VWA3B: variants seen among roughly 807,000 people sequenced by gnomAD.
VWA3B encodes the protein von Willebrand factor A domain containing 3B.
VWA3B carries 138 observed loss-of-function variants against 158.3 expected under a neutral mutation model. That is an observed-to-expected ratio of 0.87 (90% CI 0.76 to 1.00). VWA3B has a LOEUF of 1.00. VWA3B is among the 50% of genes least tolerant of loss of function. The pLI, the probability that VWA3B is intolerant of heterozygous loss-of-function variation, is 0.00. For missense variants in VWA3B, 1,555 were observed against 1,565.1 expected, an observed-to-expected ratio of 0.99 and a Z score of 0.11; for synonymous variants, 596 against 587.3, an observed-to-expected ratio of 1.01 and a Z score of -0.21.
At chr2:98,268,431 C>T (rs1687989734) in intron 21 of VWA3B, among the ~76,000 whole-genome samples, 1 of 152,128 alleles carries the variant, frequency 6.6e-6, no homozygotes, top group Non-Finnish European at 1.5e-5. Flanking sequence ...CTGATTCTTT[C>T]TTCTGCTTAA....
At chr2:98,237,975 G>A (rs553297267) in intron 19 of VWA3B, among the ~76,000 whole-genome samples, 4 of 152,152 alleles carry the variant, frequency 2.6e-5, no homozygotes, top group African/African-American at 9.6e-5. Context: ...TCTTCTTTCT[G>A]CTTTTTTGTG....
At chr2:98,088,952 C>T (rs1013854906) in intron 1 of VWA3B, among the ~76,000 whole-genome samples, 4 of 152,060 alleles carry the variant, frequency 2.6e-5, no homozygotes, top group Non-Finnish European at 4.4e-5. Flanking sequence ...CGAGGTTTCA[C>T]CATGTTGGCC....
downstream of VWA3B, among the ~76,000 whole-genome samples, chr2:98,317,995 G>T (rs1353788605): frequency 6.6e-6 from 1 of 152,170 alleles, no homozygotes; most frequent in East Asian, 1.9e-4. Flanking sequence ...ATATCTGTAT[G>T]GTTAAAATAG....
chr2:98,124,986 C>T (rs1675246327), intron 5 of VWA3B, among the ~76,000 whole-genome samples: 1 of 152,232 alleles, frequency 6.6e-6, no homozygotes. Context: ...TTTTTACTCA[C>T]TCTAAAGGAG....
chr2:98,186,349 GC>G (rs1392579042), intron 9 of VWA3B, among the ~76,000 whole-genome samples: 1 of 151,712 alleles, frequency 6.6e-6, no homozygotes, highest in Non-Finnish European at 1.5e-5. Flanking sequence ...CAGTCCCATG[GC>G]TTTTAATCCC....
At position 98,297,886 on chromosome 2, in the gene VWA3B, G is replaced by A. The variant is rs916830885; in HGVS notation, c.3158-21G>A. On this transcript the variant is annotated intron_variant, in intron 23 of 27. Transcript: ENST00000477737. ...GATGTTATTTGTCTTTATATTTTAT[G>A]TTTTCTTTGATTCCTTCCAGGGGTT... The A allele has an allele frequency of 5.5e-6, 8 of 1,466,156 alleles. No individual in the cohort carries two copies. In the African/African-American group the frequency reaches 7.2e-5, roughly 13 times the overall value. The allele number at this position is 1,466,156 out of a possible 1,614,324, so 90.8% of individuals were successfully genotyped here. A position where few individuals can be genotyped will look rare whatever the true frequency, so the allele number is the denominator to read the frequency against.
chr2:98,312,215 T>C lies in VWA3B; in HGVS notation c.3751T>C (p.Phe1251Leu), dbSNP rs1338112278. 1 of 1,614,108 alleles carries C rather than the reference T, an allele frequency of 6.2e-7. No individual in the cohort carries two copies. The highest frequency in any genetic ancestry group is 8.5e-7 in the Non-Finnish European group (1 of 1,180,026). Residue 1251 changes from phenylalanine (F) to leucine (L), a missense_variant, in exon 28 of 28, where the codon TTC becomes CTC. Transcript: ENST00000477737. Reference sequence around the variant, plus strand: ...GCTTCCCCAGACAGCCCACCTCCACTTCCCCGCGGCCGGGCGTCTAGGACT... The same window carrying C: ...GCTTCCCCAGACAGCCCACCTCCACCTCCCCGCGGCCGGGCGTCTAGGACT... ...HPEPRTAHLH[F>L]PAAGRLGLSS... is the part of the protein sequence containing the mutation.
At chr2:98,164,079 C>A (rs191176062) in intron 8 of VWA3B, among the ~76,000 whole-genome samples, 29 of 152,250 alleles carry the variant, frequency 1.9e-4, no homozygotes, top group Non-Finnish European at 1.9e-4. Context: ...TGCCTGCAGA[C>A]AAAATCCCAT....
chr2:98,161,854 G>A (rs1047287529), intron 7 of VWA3B, among the ~76,000 whole-genome samples: 6 of 152,094 alleles, frequency 3.9e-5, no homozygotes, highest in South Asian at 2.1e-4. Flanking sequence ...TTACAGGCAC[G>A]GGCCACCACG....
intron 2 of VWA3B, among the ~76,000 whole-genome samples, chr2:98,098,217 G>T (rs1313195074): frequency 6.6e-6 from 1 of 152,002 alleles, no homozygotes; most frequent in African/African-American, 2.4e-5. Flanking sequence ...AGAATGTTCT[G>T]TGTATGTTTA....
At chr2:98,144,447 A>G (rs1677018119) in intron 7 of VWA3B, among the ~76,000 whole-genome samples, 1 of 150,124 alleles carries the variant, frequency 6.7e-6, no homozygotes, top group Non-Finnish European at 1.5e-5. Flanking sequence ...AGTCCATTCC[A>G]TTTACTTTGG....
intron 6 of VWA3B, among the ~76,000 whole-genome samples, chr2:98,129,253 G>GTGTGTGTGTT: frequency 1.3e-5 from 2 of 151,054 alleles, no homozygotes; most frequent in Non-Finnish European, 3.0e-5. Flanking sequence ...GTGTGTGTGT[G>GTGTGTGTGTT]TGTGTGGAGA....
chr2:98,212,585 TAGA>T, intron 13 of VWA3B, among the ~76,000 whole-genome samples: 1 of 152,316 alleles, frequency 6.6e-6, no homozygotes, highest in South Asian at 2.1e-4. Flanking sequence ...ATTAAATAAA[TAGA>T]AGGATTTTCA....
intron 13 of VWA3B, among the ~76,000 whole-genome samples, chr2:98,215,707 G>A (rs1284730608): frequency 1.3e-5 from 2 of 151,768 alleles, no homozygotes; most frequent in Admixed American, 6.6e-5. Flanking sequence ...TGGTAAAGAC[G>A]GGGTTTCACC....
At position 98,115,697 on chromosome 2, in the gene VWA3B, A is replaced by G. The variant is rs201316816; in HGVS notation, c.242A>G (p.Asp81Gly). ...LGRPVASRYA[D>G]GLFPQLYRAE... ...AGACCTGTGGCTTCTCGGTATGCTG[A>G]TGGTCTGTTTCCACAGCTCTACAGA... The change falls in exon 3 of 28, where the codon GAT becomes GGT. Residue 81 changes from aspartate to glycine, a missense_variant. Asp to Gly is a moderately conservative substitution (Grantham distance 94). Coordinates refer to ENST00000477737, the MANE Select transcript of VWA3B (RefSeq NM_144992.5). The G allele has an allele frequency of 4.6e-5, 75 of 1,613,828 alleles. No individual in the cohort carries two copies. In the African/African-American group the frequency reaches 8.7e-4, roughly 19 times the overall value.
At chr2:98,242,971 A>G (rs1051397164) in intron 19 of VWA3B, among the ~76,000 whole-genome samples, 1 of 151,954 alleles carries the variant, frequency 6.6e-6, no homozygotes, top group Non-Finnish European at 1.5e-5. Context: ...CAAAACCTAC[A>G]TATGTATATA....
At chr2:98,286,583 A>G (rs187260591) in intron 22 of VWA3B, among the ~76,000 whole-genome samples, 62 of 152,176 alleles carry the variant, frequency 4.1e-4, no homozygotes, top group African/African-American at 1.4e-3. Flanking sequence ...CTTTTGTTCT[A>G]TTAATATGGG....
chr2:98,270,242 T>G (rs1157678200), intron 21 of VWA3B, among the ~76,000 whole-genome samples: 2 of 152,280 alleles, frequency 1.3e-5, no homozygotes, highest in Admixed American at 1.3e-4. Context: ...TAAGAATTAC[T>G]GCACTGAGGC....
At chr2:98,280,476 C>T (rs1296347975) in intron 22 of VWA3B, among the ~76,000 whole-genome samples, 2 of 152,128 alleles carry the variant, frequency 1.3e-5, no homozygotes, top group Admixed American at 6.5e-5. Context: ...CCGGTGCTGC[C>T]CTGGGGTCAG....
Sources: gnomAD v4.1 joint callset for allele counts (sites outside exome capture counted in the v4.1 genomes callset) on GRCh38, gnomAD v4.1.1 for gene constraint, MANE v1.5 for transcripts, NCBI Gene and HGNC (gene_info 2026-07-23, HGNC 2026-07-21) for gene names.